PDE4D: variants seen among roughly 807,000 people sequenced by gnomAD.
PDE4D encodes the protein phosphodiesterase 4D.
Under a neutral mutation model 87.4 loss-of-function variants are expected in PDE4D, and 24 were observed. The ratio of observed to expected loss-of-function variants is 0.27; its 90% CI spans 0.20 to 0.39. The LOEUF is 0.39. Ranked by LOEUF, PDE4D falls within the 10% of genes least tolerant of loss-of-function variation. PDE4D has a pLI of 1.00. For missense variants in PDE4D, 714 were observed against 1,041.0 expected, an observed-to-expected ratio of 0.69 and a Z score of 4.32; for synonymous variants, 384 against 383.2, an observed-to-expected ratio of 1.00 and a Z score of -0.02.
intron 1 of PDE4D, among the ~76,000 whole-genome samples, chr5:59,733,148 T>C (rs575857755): frequency 1.3e-5 from 2 of 152,266 alleles, no homozygotes; most frequent in African/African-American, 4.8e-5. Flanking sequence ...CTCCACATAG[T>C]TGATCAGCAT....
chr5:60,345,142 T>C (rs59578756), intron 1 of PDE4D, among the ~76,000 whole-genome samples: 15,881 of 152,002 alleles, frequency 0.1, 1,636 homozygotes, highest in African/African-American at 0.27. Context: ...TCATGTCCTT[T>C]CTAGGGACAT....
chr5:59,102,650 G>T (rs1259055961), intron 5 of PDE4D, among the ~76,000 whole-genome samples: 3 of 152,104 alleles, frequency 2.0e-5, no homozygotes, highest in Non-Finnish European at 2.9e-5. Flanking sequence ...GATGATAGAG[G>T]AACCCAGTGC....
intron 1 of PDE4D, chr5:60,460,185 C>T: frequency 6.4e-7 from 1 of 1,555,862 alleles, no homozygotes; most frequent in Non-Finnish European, 8.8e-7. Context: ...TCATCAAATC[C>T]TTTCCAGATG....
Position 59,586,994 on chromosome 5 carries a change from T to C in PDE4D, c.455+306174A>G, listed in dbSNP as rs1825244783. 12 of 985,430 alleles carry C rather than the reference T, an allele frequency of 1.2e-5. No individual in the cohort carries two copies. The South Asian group carries it at 5.6e-4, about 46-fold the overall frequency. 61.0% of individuals were successfully genotyped at this position (985,430 alleles called of 1,614,324 possible). On this transcript the variant is annotated intron_variant, in intron 1 of 14. Transcript: ENST00000340635. ...AAACCATGTATCACCAAAGCCAACTTCTTTCCCAGATTTCAGAATTGCTGG... is the reference window on the plus strand; with the variant it reads ...AAACCATGTATCACCAAAGCCAACTCCTTTCCCAGATTTCAGAATTGCTGG...
intron 5 of PDE4D, among the ~76,000 whole-genome samples, chr5:59,071,996 G>A (rs532957405): frequency 4.9e-4 from 75 of 152,122 alleles, no homozygotes; most frequent in African/African-American, 1.8e-3. Context: ...GCCAACATCT[G>A]TACTTTGAAG....
chr5:59,287,734 G>GAGAGAGAGAC (rs1554121975), intron 1 of PDE4D, among the ~76,000 whole-genome samples: 3 of 151,274 alleles, frequency 2.0e-5, no homozygotes, highest in East Asian at 3.9e-4. Flanking sequence ...GAGAGAGAGA[G>GAGAGAGAGAC]AGACAGACAG....
rs111689243 is a variant in PDE4D, at chr5:60,082,915, T to A, written c.43-94198A>T. On this transcript the variant is annotated intron_variant, in intron 2 of 16. Coordinates refer to the PDE4D transcript ENST00000502484. The stretch of plus-strand genomic sequence containing the variant: ...TCCCACCTTGACTGACACCTTCTGA[T>A]TTCTCAGGTCATAGCTAAAATATTT... Among the ~76,000 whole-genome samples the A allele has an allele frequency of 7.7e-3, 1,172 of 152,318 alleles. 13 individuals are homozygous for A. The highest frequency in any genetic ancestry group is 0.027 in the African/African-American group (1,116 of 41,566).
chr5:59,380,250 A>T (rs942961803), intron 1 of PDE4D, among the ~76,000 whole-genome samples: 3 of 152,090 alleles, frequency 2.0e-5, no homozygotes, highest in African/African-American at 7.2e-5. Flanking sequence ...ATTCAAAATA[A>T]CTTATTTACT....
At chr5:60,288,654 CAG>C (rs1752629984) in intron 1 of PDE4D, among the ~76,000 whole-genome samples, 1 of 152,164 alleles carries the variant, frequency 6.6e-6, no homozygotes, top group Non-Finnish European at 1.5e-5. Flanking sequence ...CTCATGTAGT[CAG>C]AGACTTCAAA....
chr5:60,086,811 G>A (rs1357932485), intron 2 of PDE4D, among the ~76,000 whole-genome samples: 1 of 152,192 alleles, frequency 6.6e-6, no homozygotes, highest in Admixed American at 6.5e-5. Context: ...GGAAGACAAG[G>A]CACAGGACAT....
intron 1 of PDE4D, among the ~76,000 whole-genome samples, chr5:60,452,576 G>C (rs1746177030): frequency 6.6e-6 from 1 of 151,884 alleles, no homozygotes; most frequent in Non-Finnish European, 1.5e-5. Flanking sequence ...TTTAAAATTT[G>C]GTACAAAAGA....
chr5:60,460,399 T>C, intron 1 of PDE4D: 1 of 1,101,936 alleles, frequency 9.1e-7, no homozygotes, highest in East Asian at 2.4e-5. Flanking sequence ...ATGCAGTGCC[T>C]CTTCATCCTC....
intron 8 of PDE4D, among the ~76,000 whole-genome samples, chr5:58,991,524 A>G (rs1244385898): frequency 1.3e-5 from 2 of 152,130 alleles, no homozygotes; most frequent in Non-Finnish European, 2.9e-5. Flanking sequence ...TCTTTAATGG[A>G]TAAAATCTAT....
intron 3 of PDE4D, among the ~76,000 whole-genome samples, chr5:59,937,854 C>T (rs1756769611): frequency 6.6e-6 from 1 of 152,170 alleles, no homozygotes; most frequent in Admixed American, 6.5e-5. Flanking sequence ...GGCAGGCTGG[C>T]TCAAGAGACC....
chr5:59,906,927 C>T (rs756429255), intron 3 of PDE4D, among the ~76,000 whole-genome samples: 6 of 152,062 alleles, frequency 3.9e-5, no homozygotes, highest in Non-Finnish European at 7.4e-5. Context: ...AACACATGCA[C>T]GTGAATGTTC....
intron 1 of PDE4D, among the ~76,000 whole-genome samples, chr5:59,288,321 CAG>C (rs142438552): frequency 0.069 from 10,473 of 151,816 alleles, 471 homozygotes; most frequent in South Asian, 0.13. Context: ...AAAAATGTCT[CAG>C]AGTCTCTTAA....
chr5:60,123,585 G>C (rs796323724), intron 2 of PDE4D, among the ~76,000 whole-genome samples: 1 of 151,692 alleles, frequency 6.6e-6, no homozygotes, highest in Non-Finnish European at 1.5e-5. Flanking sequence ...ACAACATTTG[G>C]GAATTATGGG....
At chr5:59,503,742 A>G (rs1368997644) in intron 1 of PDE4D, among the ~76,000 whole-genome samples, 3 of 152,202 alleles carry the variant, frequency 2.0e-5, no homozygotes, top group Non-Finnish European at 4.4e-5. Flanking sequence ...ATGGTGAGTA[A>G]GCCCACCTGA....
At chr5:60,317,743 G>T (rs1473816057) in intron 1 of PDE4D, among the ~76,000 whole-genome samples, 3 of 152,096 alleles carry the variant, frequency 2.0e-5, no homozygotes, top group Non-Finnish European at 4.4e-5. Context: ...ATTTCATTAT[G>T]TACCCATTAG....
Sources: allele counts gnomAD v4.1 joint callset (sites outside exome capture counted in the v4.1 genomes callset), GRCh38; gene constraint gnomAD v4.1.1; transcripts MANE v1.5; gene names NCBI Gene and HGNC (gene_info 2026-07-23, HGNC 2026-07-21).